TRPM3: variants seen among roughly 807,000 people sequenced by gnomAD.
The protein encoded by TRPM3 is long transient receptor potential channel 3.
Under a neutral mutation model 181.2 loss-of-function variants are expected in TRPM3, and 77 were observed. The observed-to-expected ratio is 0.42, with a 90% CI of 0.35 to 0.51. TRPM3 has a LOEUF of 0.51. Ranked by LOEUF, TRPM3 falls within the 20% of genes least tolerant of loss-of-function variation. The pLI is 0.01. For synonymous variants in TRPM3, 745 were observed against 796.4 expected (o/e 0.94, Z 1.09); for missense variants, 1,759 against 2,196.7 (o/e 0.80, Z 3.98).
At chr9:71,290,756 T>A (rs2085739071) in intron 1 of TRPM3, among the ~76,000 whole-genome samples, 1 of 152,132 alleles carries the variant, frequency 6.6e-6, no homozygotes, top group African/African-American at 2.4e-5. Context: ...CGTCAAATCA[T>A]CCTAAAACCC....
chr9:71,285,651 G>T (rs1450858693), intron 1 of TRPM3, among the ~76,000 whole-genome samples: 2 of 152,116 alleles, frequency 1.3e-5, no homozygotes, highest in Non-Finnish European at 2.9e-5. Flanking sequence ...TAAGCTATTT[G>T]GTCCAAGCCA....
intron 1 of TRPM3, among the ~76,000 whole-genome samples, chr9:71,201,661 C>A (rs1459243743): frequency 6.6e-6 from 1 of 152,296 alleles, no homozygotes; most frequent in African/African-American, 2.4e-5. Context: ...TCCAGTTGAT[C>A]GCATCGGCTC....
Position 71,197,103 on chromosome 9 carries a change from G to A in TRPM3, c.183+249550C>T, listed in dbSNP as rs555031512. On this transcript the variant is annotated intron_variant, in intron 1 of 24. Coordinates refer to the TRPM3 transcript ENST00000357533. ...TTCTCATTGTTCAATTCCCACCTAT[G>A]AGTGAGAACATGCGATGTTTGGTTT... Among the ~76,000 whole-genome samples, 379 of 152,202 alleles carry A rather than the reference G, an allele frequency of 2.5e-3. 2 individuals carry two copies. The highest frequency in any genetic ancestry group is 0.02 in the Middle Eastern group (6 of 294).
chr9:71,435,618 C>T (rs188668425), intron 1 of TRPM3, among the ~76,000 whole-genome samples: 1 of 152,334 alleles, frequency 6.6e-6, no homozygotes, highest in East Asian at 1.9e-4. Flanking sequence ...TAGAGAGAAT[C>T]ATTCAACACC....
chr9:71,242,272 C>G (rs544775006), intron 1 of TRPM3, among the ~76,000 whole-genome samples: 2 of 152,290 alleles, frequency 1.3e-5, no homozygotes, highest in Non-Finnish European at 2.9e-5. Flanking sequence ...GGTTTCTTCA[C>G]TGGCAGATGA....
intron 1 of TRPM3, among the ~76,000 whole-genome samples, chr9:70,864,751 A>G (rs1279510302): frequency 1.3e-5 from 2 of 152,062 alleles, no homozygotes; most frequent in East Asian, 3.9e-4. Flanking sequence ...GGAACTGACC[A>G]TAATAAAAAA....
intron 1 of TRPM3, among the ~76,000 whole-genome samples, chr9:71,170,563 T>C (rs1191665583): frequency 6.6e-6 from 1 of 152,226 alleles, no homozygotes; most frequent in South Asian, 2.1e-4. Context: ...GAAGATTTCA[T>C]GGACATTTAT....
At chr9:71,227,453 G>C (rs2080755313) in intron 1 of TRPM3, among the ~76,000 whole-genome samples, 1 of 151,924 alleles carries the variant, frequency 6.6e-6, no homozygotes, top group South Asian at 2.1e-4. Context: ...AGAAAAGCAA[G>C]AGCAAACCAA....
intron 19 of TRPM3, among the ~76,000 whole-genome samples, chr9:70,609,999 C>A (rs1014335580): frequency 1.3e-5 from 2 of 152,038 alleles, no homozygotes; most frequent in African/African-American, 2.4e-5. Context: ...CAGGGACAAT[C>A]CACTCTTTTG....
chr9:70,803,609 C>T (rs558529023), intron 6 of TRPM3, among the ~76,000 whole-genome samples: 7 of 151,998 alleles, frequency 4.6e-5, no homozygotes, highest in Admixed American at 2.6e-4. Context: ...CCACTACACC[C>T]GGCCAATTTT....
chr9:70,958,301 GATA>G (rs2097100336), intron 1 of TRPM3, among the ~76,000 whole-genome samples: 1 of 151,586 alleles, frequency 6.6e-6, no homozygotes, highest in Admixed American at 6.6e-5. Flanking sequence ...CTCCTTTGAT[GATA>G]ATAATGATTA....
At chr9:70,823,607 C>T (rs975900705) in intron 6 of TRPM3, among the ~76,000 whole-genome samples, 24 of 152,346 alleles carry the variant, frequency 1.6e-4, no homozygotes, top group African/African-American at 5.3e-4. Context: ...ATGCTTTACT[C>T]TGCTTTATTT....
chr9:71,244,844 T>C (rs148668402), intron 1 of TRPM3, among the ~76,000 whole-genome samples: 3 of 152,296 alleles, frequency 2.0e-5, no homozygotes, highest in African/African-American at 7.2e-5. Flanking sequence ...AAGGATTTGA[T>C]AGCACTATAC....
At chr9:70,642,802 G>T (rs1423631470) in intron 9 of TRPM3, among the ~76,000 whole-genome samples, 4 of 152,168 alleles carry the variant, frequency 2.6e-5, no homozygotes, top group Non-Finnish European at 5.9e-5. Flanking sequence ...ACAATTCGGA[G>T]AACTTTTTAA....
chr9:70,765,261 T>C (rs1181807500), intron 7 of TRPM3, among the ~76,000 whole-genome samples: 2 of 152,174 alleles, frequency 1.3e-5, no homozygotes, highest in Admixed American at 1.3e-4. Flanking sequence ...GAACACTAAA[T>C]GAAGATAATC....
At chr9:70,646,151 T>C (rs2058806441) in intron 9 of TRPM3, among the ~76,000 whole-genome samples, 1 of 152,216 alleles carries the variant, frequency 6.6e-6, no homozygotes, top group Admixed American at 6.5e-5. Context: ...TCAACCATTG[T>C]GGAAGACAGT....
chr9:71,130,856 A>C (rs1386950797), intron 1 of TRPM3, among the ~76,000 whole-genome samples: 1 of 152,204 alleles, frequency 6.6e-6, no homozygotes, highest in Non-Finnish European at 1.5e-5. Context: ...GGAAAAACTC[A>C]TAATTATTGT....
intron 1 of TRPM3, among the ~76,000 whole-genome samples, chr9:71,165,710 AC>A (rs1288858999): frequency 1.3e-5 from 2 of 152,108 alleles, no homozygotes; most frequent in East Asian, 3.9e-4. Context: ...ACTCATCATT[AC>A]CCTAATCATG....
intron 1 of TRPM3, among the ~76,000 whole-genome samples, chr9:70,976,301 C>T (rs1332303149): frequency 2.6e-5 from 4 of 152,184 alleles, no homozygotes; most frequent in African/African-American, 9.7e-5. Context: ...GAAAACAGAA[C>T]AGGGAAACTC....
Sources: gnomAD v4.1 joint callset for allele counts (sites outside exome capture counted in the v4.1 genomes callset) on GRCh38, gnomAD v4.1.1 for gene constraint, MANE v1.5 for transcripts, NCBI Gene and HGNC (gene_info 2026-07-23, HGNC 2026-07-21) for gene names.